COPA: variants seen among roughly 807,000 people sequenced by gnomAD.
The protein encoded by COPA is coatomer subunit alpha.
A neutral mutation model predicts 158.7 loss-of-function variants in COPA; 10 were observed. That is an observed-to-expected ratio of 0.06 (90% CI 0.04 to 0.11). The LOEUF (loss-of-function observed/expected upper bound fraction) is 0.11. Ranked by LOEUF, COPA falls within the 10% of genes least tolerant of loss-of-function variation. COPA has a pLI of 1.00. For synonymous variants in COPA, 462 were observed against 542.8 expected (o/e 0.85, Z 2.07); for missense variants, 1,065 against 1,536.7 (o/e 0.69, Z 5.13).
chr1:160,318,379 T>G (rs1222747959), intron 8 of COPA, among the ~76,000 whole-genome samples: 2 of 149,504 alleles, frequency 1.3e-5, no homozygotes, highest in Non-Finnish European at 3.0e-5. Context: ...AACACTGCTC[T>G]TTTTGATTTT....
At chr1:160,313,515 T>C (rs369703701) in intron 9 of COPA, among the ~76,000 whole-genome samples, 177 of 152,168 alleles carry the variant, frequency 1.2e-3, no homozygotes, top group Non-Finnish European at 1.7e-3. Flanking sequence ...CCCAGGTTCA[T>C]GCCATTCTTC....
chr1:160,311,809 G>A, intron 11 of COPA, 59 bp downstream of exon 11: 3 of 1,414,488 alleles, frequency 2.1e-6, no homozygotes, highest in South Asian at 3.4e-5. Context: ...CTTGTTTGTG[G>A]GAGTTGTATC....
intron 4 of COPA, among the ~76,000 whole-genome samples, chr1:160,334,468 T>C (rs1013416859): frequency 6.6e-6 from 1 of 152,196 alleles, no homozygotes; most frequent in African/African-American, 2.4e-5. Context: ...TAATAAGTTA[T>C]CTTATTGAGT....
chr1:160,324,638 TAG>T (rs1413115862), intron 7 of COPA, among the ~76,000 whole-genome samples: 4 of 152,076 alleles, frequency 2.6e-5, no homozygotes, highest in Non-Finnish European at 5.9e-5. Flanking sequence ...AAGTATACAA[TAG>T]AGTTTCCCAG....
Position 160,293,207 on chromosome 1 carries a change from C to T in COPA, c.2782G>A (p.Val928Ile). 6.2e-7 allele frequency: 1 copy of T among 1,614,208 alleles called. No individual in the cohort carries two copies. Among genetic ancestry groups the T allele is most frequent in the South Asian group, 1.1e-5 (1 of 91,084 alleles). The change falls in exon 27 of 33, where the codon GTT (valine) becomes ATT (isoleucine). Residue 928 changes from valine to isoleucine, a missense_variant. Around this residue, in one of 2 missense-constraint regions of COPA, gnomAD observed 980 missense variants for 1,357.8 expected, o/e 0.72. Coordinates refer to ENST00000241704, the MANE Select transcript of COPA (RefSeq NM_004371.4). ...AAAGAGCCTGCCAGGATGTGATCAA[C>T]TGGAAGCTGAGAGTTATTACACCAG... ...QIWCNNSQLPVDHILAGSFET... is the reference protein window; with the variant it reads ...QIWCNNSQLPIDHILAGSFET...
chr1:160,303,806 CA>C (rs1658693825), intron 17 of COPA, among the ~76,000 whole-genome samples: 2 of 151,542 alleles, frequency 1.3e-5, no homozygotes. Flanking sequence ...GACTGACATG[CA>C]AAAAAGAAAG....
At position 160,312,000 on chromosome 1, in the gene COPA, A is replaced by G; in HGVS notation, c.944T>C (p.Ile315Thr). 1 of 1,613,930 alleles carries G rather than the reference A, an allele frequency of 6.2e-7. No homozygotes were observed. The highest frequency in any genetic ancestry group is 8.5e-7 in the Non-Finnish European group (1 of 1,179,860). ...LFAAGHDGGM[I>T]VFKLERERPA... ...CCGTTCCCGTTCCAGCTTAAACACA[A>G]TCATACCACCATCATGGCCTGGGGG... Residue 315 changes from isoleucine (I) to threonine (T), a missense_variant, in exon 11 of 33, where the codon ATT becomes ACT. Physicochemically the swap from Ile to Thr is moderately conservative, Grantham distance 89 (BLOSUM62 -1). Coordinates refer to ENST00000241704, the MANE Select transcript of COPA (RefSeq NM_004371.4).
chr1:160,331,750 C>G (rs1403501019), intron 6 of COPA, among the ~76,000 whole-genome samples: 4 of 151,724 alleles, frequency 2.6e-5, no homozygotes, highest in African/African-American at 4.8e-5. Context: ...GAGTTTGAGA[C>G]CAGCCTGGCC....
intron 10 of COPA, among the ~76,000 whole-genome samples, 197 bp downstream of exon 10, chr1:160,312,887 GC>G (rs1426006051): frequency 6.6e-6 from 1 of 152,098 alleles, no homozygotes; most frequent in Non-Finnish European, 1.5e-5. Flanking sequence ...TTTCTTCAAA[GC>G]ATTTTTCACC....
At chr1:160,323,636 T>C (rs973762337) in intron 7 of COPA, 106 bp from the exon 8 acceptor site, 47 of 796,002 alleles carry the variant, frequency 5.9e-5, no homozygotes, top group Non-Finnish European at 7.8e-5. Context: ...TTATTCTTCA[T>C]GTGAACAGAT....
intron 1 of COPA, among the ~76,000 whole-genome samples, chr1:160,342,103 C>T (rs1644412581): frequency 6.6e-6 from 1 of 152,112 alleles, no homozygotes; most frequent in African/African-American, 2.4e-5. Context: ...CTACACCAGG[C>T]GCTGTAATAA....
rs750834336 is a variant in COPA, at chr1:160,294,485, A to T, written c.2675T>A (p.Leu892Gln). The stretch of plus-strand genomic sequence containing the variant: ...TCTAAGGGTACAAATTCCACATACC[A>T]GCTCAGGAGGGAGCTCCAGATCTTC... ...VEEDLELPPE[L>Q]DISPGAAGGA... The change falls in exon 25 of 33, where the codon CTG (leucine) becomes CAG (glutamine). Residue 892 changes from leucine (L) to glutamine (Q), a missense_variant and splice_region_variant. Leu to Gln is a moderately radical substitution (Grantham distance 113). Transcript: ENST00000241704. 5.0e-6 allele frequency: 8 copies of T among 1,613,700 alleles called. No homozygotes were observed. The African/African-American group carries it at 9.3e-5, about 19-fold the overall frequency.
At chr1:160,294,146 G>A (rs897906148) in intron 25 of COPA, among the ~76,000 whole-genome samples, 3 of 152,062 alleles carry the variant, frequency 2.0e-5, no homozygotes, top group African/African-American at 4.8e-5. Flanking sequence ...TGACTCTCTC[G>A]TTCTTCCTGC....
intron 11 of COPA, 133 bp downstream of exon 11, chr1:160,311,735 A>T (rs1658973646): frequency 1.2e-5 from 11 of 903,284 alleles, no homozygotes; most frequent in Non-Finnish European, 1.4e-5. Context: ...CGACAAAGCG[A>T]GACTCCGTCT....
Position 160,311,975 on chromosome 1 carries a change from C to T in COPA, c.969G>A (p.Arg323=). Residue 323 remains arginine (R), a synonymous_variant, in exon 11 of 33, where the codon CGG becomes CGA. Transcript: ENST00000241704. ...GMIVFKLERE[R]PAYAVHGNML... is the part of the protein sequence containing the mutation. The stretch of plus-strand genomic sequence containing the variant: ...TATTGCCATGAACAGCATAGGCTGG[C>T]CGTTCCCGTTCCAGCTTAAACACAA... The T allele has an allele frequency of 1.2e-6, 2 of 1,613,928 alleles. No individual in the cohort carries two copies. Among genetic ancestry groups the T allele is most frequent in the East Asian group, 2.2e-5 (1 of 44,876 alleles).
At chr1:160,339,875 T>G (rs376513248) in intron 3 of COPA, 34 bp downstream of exon 3, 15 of 1,587,176 alleles carry the variant, frequency 9.5e-6, no homozygotes, top group East Asian at 4.5e-5. Context: ...ACATCCTCTT[T>G]CCTTTATTCT....
intron 9 of COPA, 121 bp downstream of exon 9, chr1:160,313,869 C>T (rs1284348177): frequency 2.1e-6 from 2 of 957,668 alleles, no homozygotes; most frequent in Admixed American, 3.4e-5. Context: ...TTCAAATTTT[C>T]ATAATATATG....
intron 6 of COPA, among the ~76,000 whole-genome samples, chr1:160,331,950 A>G (rs78363127): frequency 3.8e-4 from 55 of 146,574 alleles, no homozygotes; most frequent in African/African-American, 1.3e-3. Flanking sequence ...TCCCTCTCAG[A>G]AAAAAAAAAA....
intron 12 of COPA, among the ~76,000 whole-genome samples, chr1:160,309,911 T>C (rs1394702449): frequency 5.3e-5 from 8 of 152,130 alleles, no homozygotes; most frequent in Admixed American, 5.2e-4. Flanking sequence ...AATATATATA[T>C]ATAGTCTAAA....
Sources: allele counts gnomAD v4.1 joint callset (sites outside exome capture counted in the v4.1 genomes callset), GRCh38; gene constraint gnomAD v4.1.1; regional missense constraint gnomAD v4.1.1; transcripts MANE v1.5; gene names NCBI Gene and HGNC (gene_info 2026-07-23, HGNC 2026-07-21).